SLC71A2: variants seen among roughly 807,000 people sequenced by gnomAD.
The protein encoded by SLC71A2 is solute carrier family 71 member 2.
At chr9:94,421,985 C>T in the SLC71A2 span, among the ~76,000 whole-genome samples, 4 of 152,096 alleles carry the variant, frequency 2.6e-5, no homozygotes, top group African/African-American at 9.7e-5. Flanking sequence ...GCTATCTCGG[C>T]TCACAGCAGC....
chr9:94,402,408 T>A, the SLC71A2 span, among the ~76,000 whole-genome samples: 28 of 152,242 alleles, frequency 1.8e-4, no homozygotes, highest in South Asian at 8.3e-4. Context: ...TTGGTTTTTT[T>A]AATATATATT....
the SLC71A2 span, among the ~76,000 whole-genome samples, chr9:94,399,524 C>A: frequency 1.4e-4 from 22 of 152,186 alleles, no homozygotes; most frequent in Non-Finnish European, 1.5e-4. Context: ...CAACTCTAAT[C>A]CATGATTACA....
chr9:94,455,415 A>C, the SLC71A2 span, among the ~76,000 whole-genome samples: 1 of 108,588 alleles, frequency 9.2e-6, no homozygotes, highest in East Asian at 2.5e-4. Context: ...ACAAGGTCTC[A>C]TGTTGCCCAT....
At chr9:94,440,056 A>T in the SLC71A2 span, among the ~76,000 whole-genome samples, 2 of 152,194 alleles carry the variant, frequency 1.3e-5, no homozygotes, top group African/African-American at 4.8e-5. Context: ...AGACTGAAAA[A>T]TATTCCTATT....
At chr9:94,446,261 C>T in the SLC71A2 span, among the ~76,000 whole-genome samples, 2 of 152,188 alleles carry the variant, frequency 1.3e-5, no homozygotes, top group South Asian at 4.1e-4. Flanking sequence ...CCATTTTGTT[C>T]TATTCAACAA....
At chr9:94,452,724 TAA>T in the SLC71A2 span, among the ~76,000 whole-genome samples, 2 of 99,710 alleles carry the variant, frequency 2.0e-5, no homozygotes, top group African/African-American at 5.5e-5. Context: ...CATATATATA[TAA>T]TAGATATTAT....
the SLC71A2 span, among the ~76,000 whole-genome samples, chr9:94,437,009 G>T: frequency 6.6e-6 from 1 of 151,424 alleles, no homozygotes; most frequent in African/African-American, 2.4e-5. Flanking sequence ...TAATAGAAGA[G>T]CTAAGAGACT....
At chr9:94,399,498 T>C in the SLC71A2 span, among the ~76,000 whole-genome samples, 12 of 152,128 alleles carry the variant, frequency 7.9e-5, no homozygotes, top group African/African-American at 2.9e-4. Flanking sequence ...TAAAAATGAG[T>C]TCATAATGAT....
the SLC71A2 span, among the ~76,000 whole-genome samples, chr9:94,456,625 TCA>T: frequency 6.6e-6 from 1 of 152,204 alleles, no homozygotes; most frequent in Non-Finnish European, 1.5e-5. Context: ...TTCTTTAGTG[TCA>T]CAATTAAGCA....
chr9:94,452,709 A>G, the SLC71A2 span, among the ~76,000 whole-genome samples: 1 of 88,374 alleles, frequency 1.1e-5, no homozygotes, highest in East Asian at 2.2e-4. Flanking sequence ...ATATTCATAT[A>G]TATTCATATA....
chr9:94,459,158 C>T, the SLC71A2 span: 1 of 1,612,178 alleles, frequency 6.2e-7, no homozygotes, highest in East Asian at 2.2e-5. Context: ...CCACGTTCAA[C>T]AGGGAGCTGT....
chr9:94,460,567 T>G, the SLC71A2 span: 1 of 152,630 alleles, frequency 6.6e-6, no homozygotes, highest in African/African-American at 2.4e-5. Context: ...TACAGATTTA[T>G]ATGTATTTTG....
chr9:94,378,104 C>T, the SLC71A2 span, among the ~76,000 whole-genome samples: 3 of 140,262 alleles, frequency 2.1e-5, no homozygotes, highest in Admixed American at 7.1e-5. Flanking sequence ...TCCAGCCTGG[C>T]GACAGAGCGA....
the SLC71A2 span, among the ~76,000 whole-genome samples, chr9:94,452,832 A>G: frequency 4.0e-5 from 6 of 151,336 alleles, no homozygotes; most frequent in Admixed American, 4.0e-4. Context: ...CAGTACCAGA[A>G]AAGATGAAGC....
chr9:94,419,721 T>C, the SLC71A2 span, among the ~76,000 whole-genome samples: 4 of 152,300 alleles, frequency 2.6e-5, no homozygotes, highest in African/African-American at 7.2e-5. Flanking sequence ...ATTACAGGCA[T>C]GTGCCACTAC....
the SLC71A2 span, among the ~76,000 whole-genome samples, chr9:94,397,617 ACATTT>A: frequency 6.6e-6 from 1 of 152,160 alleles, no homozygotes; most frequent in African/African-American, 2.4e-5. Flanking sequence ...CTACTACATT[ACATTT>A]AGTTGTTGTG....
chr9:94,407,410 G>A, the SLC71A2 span, among the ~76,000 whole-genome samples: 1 of 146,428 alleles, frequency 6.8e-6, no homozygotes. Context: ...ATGGAGTCTT[G>A]CTCTGTCACC....
At chr9:94,460,712 A>C in the SLC71A2 span, 1 of 152,472 alleles carries the variant, frequency 6.6e-6, no homozygotes, top group African/African-American at 2.4e-5. Context: ...TGCTGTGTAA[A>C]TCTTGTATTT....
chr9:94,413,359 A>G, the SLC71A2 span, among the ~76,000 whole-genome samples: 1 of 152,206 alleles, frequency 6.6e-6, no homozygotes, highest in African/African-American at 2.4e-5. Flanking sequence ...CATTTGGGGA[A>G]GCTGGGTGAA....
Sources: allele counts gnomAD v4.1 joint callset (sites outside exome capture counted in the v4.1 genomes callset), GRCh38; gene constraint gnomAD v4.1.1; transcripts MANE v1.5; gene names NCBI Gene and HGNC (gene_info 2026-07-23, HGNC 2026-07-21).